Variants in FUT9 observed in about 807,000 individuals in gnomAD.
FUT9 encodes the protein fucosyltransferase 9, also known as 4-galactosyl-N-acetylglucosaminide 3-alpha-L-fucosyltransferase 9.
A neutral mutation model predicts 29.7 loss-of-function variants in FUT9; 15 were observed. That is an observed-to-expected ratio of 0.51 (90% confidence interval 0.34 to 0.78). FUT9 has a LOEUF of 0.78. Ranked by LOEUF, FUT9 falls within the 30% of genes least tolerant of loss-of-function variation. The pLI is 0.01. For synonymous variants in FUT9, 169 were observed against 153.7 expected, an observed-to-expected ratio of 1.10 and a Z score of -0.74; for missense variants, 319 against 425.4, an observed-to-expected ratio of 0.75 and a Z score of 2.20.
At chr6:96,108,134 G>GT (rs147865681) in intron 1 of FUT9, among the ~76,000 whole-genome samples, 6,644 of 151,946 alleles carry the variant, frequency 0.044, 183 homozygotes, top group South Asian at 0.12. Context: ...ACTTGGCTTT[G>GT]TTCTTTTCAG....
chr6:96,158,780 C>T (rs1481244095), intron 2 of FUT9, among the ~76,000 whole-genome samples: 2 of 152,080 alleles, frequency 1.3e-5, no homozygotes, highest in African/African-American at 4.8e-5. Context: ...AAAATTGAAA[C>T]TCTTGCTTCT....
chr6:96,020,598 C>T (rs9498689), intron 1 of FUT9, among the ~76,000 whole-genome samples: 2,531 of 147,520 alleles, frequency 0.017, 67 homozygotes, highest in African/African-American at 0.064. Context: ...ATCATTACTG[C>T]GTAAAAAAAT....
chr6:96,143,350 A>G (rs984324397), intron 2 of FUT9, among the ~76,000 whole-genome samples: 25 of 152,174 alleles, frequency 1.6e-4, no homozygotes, highest in Admixed American at 9.2e-4. Flanking sequence ...TAAGACATTC[A>G]GTTCTTGGTG....
intron 1 of FUT9, among the ~76,000 whole-genome samples, chr6:96,111,777 T>C (rs1279257926): frequency 6.6e-6 from 1 of 152,182 alleles, no homozygotes; most frequent in Non-Finnish European, 1.5e-5. Context: ...ATTCAAATGT[T>C]GTGACAGCAA....
At chr6:96,086,677 T>A (rs932373318) in intron 1 of FUT9, among the ~76,000 whole-genome samples, 1 of 152,198 alleles carries the variant, frequency 6.6e-6, no homozygotes, top group African/African-American at 2.4e-5. Context: ...GAACCCAAGT[T>A]TATTTTTTTC....
intron 1 of FUT9, among the ~76,000 whole-genome samples, chr6:96,051,529 T>C (rs896580484): frequency 6.6e-6 from 1 of 152,014 alleles, no homozygotes; most frequent in African/African-American, 2.4e-5. Flanking sequence ...GGTGTGTGCC[T>C]GTGCTCCCAG....
At position 96,214,725 on chromosome 6, in the gene FUT9, T is replaced by G. The variant is rs12190371; in HGVS notation, c.*10490T>G. 0.17 allele frequency: 28,711 copies of G among 166,940 alleles called. 2,788 individuals are homozygous for G. Among genetic ancestry groups the G allele is most frequent in the East Asian group, 0.24 (1,215 of 5,166 alleles). 10.3% of individuals were successfully genotyped at this position (166,940 alleles called of 1,614,324 possible). On this transcript the variant is annotated 3_prime_UTR_variant, in exon 3 of 3. Transcript: ENST00000302103. Reference sequence around the variant, plus strand: ...ATGGTAATATATTAAGGCTGGAACGTAGCTCTTAGTGACTTAAAACATGAC... The same window carrying G: ...ATGGTAATATATTAAGGCTGGAACGGAGCTCTTAGTGACTTAAAACATGAC...
chr6:96,161,756 CTT>C (rs909265953), intron 2 of FUT9, among the ~76,000 whole-genome samples: 107 of 152,306 alleles, frequency 7.0e-4, no homozygotes, highest in Non-Finnish European at 1.1e-3. Context: ...GTACCTATAA[CTT>C]CTGCATTATT....
intron 1 of FUT9, among the ~76,000 whole-genome samples, chr6:96,016,776 G>C (rs1004275693): frequency 2.6e-5 from 4 of 152,160 alleles, no homozygotes; most frequent in African/African-American, 7.2e-5. Flanking sequence ...TTTTCTGACA[G>C]TCACCTCAGG....
At chr6:96,176,566 G>T (rs577891851) in intron 2 of FUT9, among the ~76,000 whole-genome samples, 1 of 152,210 alleles carries the variant, frequency 6.6e-6, no homozygotes, top group African/African-American at 2.4e-5. Flanking sequence ...CTTATAGTTT[G>T]CTGACTGTGG....
At chr6:96,061,262 AT>A (rs917663542) in intron 1 of FUT9, among the ~76,000 whole-genome samples, 9 of 146,320 alleles carry the variant, frequency 6.2e-5, no homozygotes, top group African/African-American at 2.3e-4. Context: ...CTTAAGAATG[AT>A]TTTATCACCC....
At chr6:96,099,853 G>T (rs1771557363) in intron 1 of FUT9, among the ~76,000 whole-genome samples, 1 of 152,042 alleles carries the variant, frequency 6.6e-6, no homozygotes, top group Non-Finnish European at 1.5e-5. Flanking sequence ...TCAATGTATG[G>T]AGAACAAAAT....
chr6:96,173,058 T>G (rs2127983636), intron 2 of FUT9, among the ~76,000 whole-genome samples: 1 of 152,206 alleles, frequency 6.6e-6, no homozygotes, highest in South Asian at 2.1e-4. Context: ...GAAAATGCAT[T>G]TCTTGTGAGG....
chr6:96,103,760 C>T (rs2127957781), intron 1 of FUT9, among the ~76,000 whole-genome samples: 1 of 152,148 alleles, frequency 6.6e-6, no homozygotes, highest in East Asian at 1.9e-4. Flanking sequence ...TTTTTCTTTC[C>T]ATCTTTTCTT....
intron 2 of FUT9, among the ~76,000 whole-genome samples, chr6:96,183,320 C>G (rs1464552829): frequency 1.3e-5 from 2 of 151,922 alleles, no homozygotes; most frequent in Admixed American, 1.3e-4. Flanking sequence ...TTGCTGAATT[C>G]TTTTATCAGT....
At chr6:96,137,843 A>G (rs1245847872) in intron 2 of FUT9, among the ~76,000 whole-genome samples, 1 of 152,130 alleles carries the variant, frequency 6.6e-6, no homozygotes, top group Admixed American at 6.6e-5. Flanking sequence ...TTTGGAACAT[A>G]CAACAACTTT....
intron 2 of FUT9, among the ~76,000 whole-genome samples, chr6:96,183,403 T>G (rs1473300619): frequency 3.3e-5 from 5 of 152,204 alleles, no homozygotes; most frequent in African/African-American, 1.2e-4. Context: ...CAGTGACAGT[T>G]GGACTTCCTC....
chr6:96,045,077 C>G (rs1770539854), intron 1 of FUT9, among the ~76,000 whole-genome samples: 1 of 152,114 alleles, frequency 6.6e-6, no homozygotes, highest in Non-Finnish European at 1.5e-5. Context: ...AGGAGAATGT[C>G]AGGATTTAGG....
chr6:96,152,954 C>T (rs1772705019), intron 2 of FUT9, among the ~76,000 whole-genome samples: 1 of 152,126 alleles, frequency 6.6e-6, no homozygotes, highest in Admixed American at 6.5e-5. Context: ...GATAGGCAAA[C>T]TGCATCTGGG....
Sources: allele counts gnomAD v4.1 joint callset (sites outside exome capture counted in the v4.1 genomes callset), GRCh38; gene constraint gnomAD v4.1.1; transcripts MANE v1.5; gene names NCBI Gene and HGNC (gene_info 2026-07-23, HGNC 2026-07-21).